Variants in OPCML observed in about 807,000 individuals in gnomAD.
OPCML encodes the protein opioid-binding protein/cell adhesion molecule.
Under a neutral mutation model 37.8 loss-of-function variants are expected in OPCML, and 13 were observed. That is an observed-to-expected ratio of 0.34 (90% CI 0.22 to 0.55). The LOEUF is 0.55. Ranked by LOEUF, OPCML falls within the 20% of genes least tolerant of loss-of-function variation. OPCML has a pLI of 0.91. For synonymous variants in OPCML, 176 were observed against 168.8 expected (o/e 1.04, Z -0.33); for missense variants, 341 against 435.6 (o/e 0.78, Z 1.93).
At chr11:133,281,324 T>C (rs76556426) in intron 1 of OPCML, among the ~76,000 whole-genome samples, 4,068 of 152,092 alleles carry the variant, frequency 0.027, 176 homozygotes, top group African/African-American at 0.091. Context: ...CTTAAGGTAA[T>C]GTGGAGTTCT....
At chr11:132,605,726 C>T (rs1231901722) in intron 3 of OPCML, among the ~76,000 whole-genome samples, 1 of 152,146 alleles carries the variant, frequency 6.6e-6, no homozygotes, top group African/African-American at 2.4e-5. Context: ...TTCATCAATG[C>T]CATAAAGAAT....
At chr11:133,183,891 A>G (rs185477331) in intron 1 of OPCML, among the ~76,000 whole-genome samples, 1 of 152,330 alleles carries the variant, frequency 6.6e-6, no homozygotes, top group African/African-American at 2.4e-5. Context: ...CTCTAAATAC[A>G]TGCCATGATT....
chr11:132,681,282 T>A (rs553194284), intron 2 of OPCML, among the ~76,000 whole-genome samples: 1 of 152,270 alleles, frequency 6.6e-6, no homozygotes, highest in South Asian at 2.1e-4. Flanking sequence ...AAATGTTGCC[T>A]TTTCCAAAAC....
chr11:133,142,037 A>G (rs1949830814), intron 1 of OPCML, among the ~76,000 whole-genome samples: 1 of 152,226 alleles, frequency 6.6e-6, no homozygotes, highest in Admixed American at 6.5e-5. Context: ...CTATTAAATA[A>G]TAATAGCACA....
chr11:132,510,297 T>A (rs1386256900), intron 4 of OPCML, among the ~76,000 whole-genome samples: 1 of 152,148 alleles, frequency 6.6e-6, no homozygotes, highest in Non-Finnish European at 1.5e-5. Flanking sequence ...AAGGGACTTG[T>A]CTTGTCTCAG....
Position 132,943,236 on chromosome 11 carries a change from T to C in OPCML, c.62-226A>G, listed in dbSNP as rs1312705354. The C allele has an allele frequency of 3.0e-5, 36 of 1,196,566 alleles. No homozygotes were observed. The Admixed American group carries it at 9.5e-4, about 32-fold the overall frequency. The allele number at this position is 1,196,566 out of a possible 1,614,324, so 74.1% of individuals were successfully genotyped here. On this transcript the variant is annotated intron_variant, in intron 1 of 7. Coordinates refer to ENST00000524381, the MANE Select transcript of OPCML (RefSeq NM_001012393.5). This position sits in a 1 kb window ranked among gnomAD's most constrained non-coding sequence, Gnocchi z 4.3. ...AGCAGGGGGAAGGAGAAGAGAGGAG[T>C]CCGGGCTCTCCGGAGTCTGAGAATT... is the stretch of plus-strand genomic sequence containing the variant.
Position 132,848,326 on chromosome 11 carries a change from T to C in OPCML, c.146+94600A>G, listed in dbSNP as rs573148621. 5.1e-4 allele frequency among the ~76,000 whole-genome samples: 78 copies of C among 152,314 alleles called. 1 individual carries two copies. The highest frequency in any genetic ancestry group is 1.7e-3 in the African/African-American group (69 of 41,574). ...AATTTCTACAATCCTAGAAAGGTGA[T>C]GGGATGGATGATGGTTTTCACTGTG... On this transcript the variant is annotated intron_variant, in intron 2 of 7. Coordinates refer to ENST00000524381, the MANE Select transcript of OPCML (RefSeq NM_001012393.5).
At chr11:132,587,433 G>A (rs1446548940) in intron 3 of OPCML, among the ~76,000 whole-genome samples, 1 of 152,292 alleles carries the variant, frequency 6.6e-6, no homozygotes, top group African/African-American at 2.4e-5. Flanking sequence ...ATTAGGCAAA[G>A]CCATAGTCAG....
intron 3 of OPCML, among the ~76,000 whole-genome samples, chr11:132,651,720 C>A (rs1404457151): frequency 6.6e-6 from 1 of 152,162 alleles, no homozygotes; most frequent in East Asian, 1.9e-4. Context: ...CAAAACTCAA[C>A]TTCAGATACC....
At chr11:133,266,328 C>G (rs941644048) in intron 1 of OPCML, among the ~76,000 whole-genome samples, 2 of 152,148 alleles carry the variant, frequency 1.3e-5, no homozygotes, top group African/African-American at 2.4e-5. Context: ...AACTTGCTGT[C>G]CCTGTAGCTG....
chr11:132,493,785 A>G (rs886846573), intron 4 of OPCML, among the ~76,000 whole-genome samples: 2 of 152,262 alleles, frequency 1.3e-5, no homozygotes, highest in African/African-American at 4.8e-5. Context: ...TAACATTAAT[A>G]ATACATAGTT....
intron 2 of OPCML, among the ~76,000 whole-genome samples, chr11:132,824,069 C>T (rs2136257468): frequency 6.6e-6 from 1 of 152,264 alleles, no homozygotes; most frequent in African/African-American, 2.4e-5. Flanking sequence ...AACTTTCCCT[C>T]CCTCACTGAT....
chr11:133,073,461 C>G (rs1243661542), intron 1 of OPCML, among the ~76,000 whole-genome samples: 4 of 152,216 alleles, frequency 2.6e-5, no homozygotes, highest in Non-Finnish European at 4.4e-5. Flanking sequence ...CACGGAAACC[C>G]AGGACAGGGA....
At chr11:133,167,933 G>A (rs1282613232) in intron 1 of OPCML, among the ~76,000 whole-genome samples, 3 of 151,942 alleles carry the variant, frequency 2.0e-5, no homozygotes, top group African/African-American at 4.8e-5. Context: ...ATTTACTCTC[G>A]TTCCTTCTCT....
intron 1 of OPCML, among the ~76,000 whole-genome samples, chr11:133,423,997 T>C (rs1945949154): frequency 6.6e-6 from 1 of 152,230 alleles, no homozygotes; most frequent in South Asian, 2.1e-4. Context: ...GTACATCCTG[T>C]ATAACCATGA....
chr11:132,614,181 T>C (rs970389781), intron 3 of OPCML, among the ~76,000 whole-genome samples: 13 of 152,118 alleles, frequency 8.5e-5, no homozygotes, highest in Non-Finnish European at 2.9e-5. Context: ...CCGCTGCTTG[T>C]GCTGCCCAGA....
intron 1 of OPCML, among the ~76,000 whole-genome samples, chr11:133,404,892 A>G (rs1270310419): frequency 6.6e-6 from 1 of 152,258 alleles, no homozygotes; most frequent in Non-Finnish European, 1.5e-5. Flanking sequence ...ATATCAATGC[A>G]ATGTCTTAAA....
intron 1 of OPCML, among the ~76,000 whole-genome samples, chr11:133,323,594 G>A (rs1000263649): frequency 1.3e-5 from 2 of 152,196 alleles, no homozygotes; most frequent in Non-Finnish European, 2.9e-5. Context: ...GAGTTCAGAA[G>A]CTGGAGCTAA....
At chr11:132,529,731 G>A (rs986068492) in intron 3 of OPCML, among the ~76,000 whole-genome samples, 3 of 152,142 alleles carry the variant, frequency 2.0e-5, no homozygotes, top group Non-Finnish European at 4.4e-5. Flanking sequence ...ATTTTAACCT[G>A]AAAATCCCCA....
Sources: allele counts gnomAD v4.1 joint callset (sites outside exome capture counted in the v4.1 genomes callset), GRCh38; gene constraint gnomAD v4.1.1; non-coding constraint Gnocchi (gnomAD v3.1); transcripts MANE v1.5; gene names NCBI Gene and HGNC (gene_info 2026-07-23, HGNC 2026-07-21).